The following KIRREL3 variants were observed in gnomAD, a reference collection of about 807,000 sequenced individuals.
KIRREL3 encodes the protein kin of IRRE-like protein 3.
In KIRREL3, 36 loss-of-function variants were observed where a neutral mutation model predicts 89.7. The ratio of observed to expected loss-of-function variants is 0.40; its 90% confidence interval spans 0.31 to 0.53. The LOEUF is 0.53. Among genes scored for constraint, KIRREL3 ranks in the 20% least tolerant of loss-of-function variants. The probability of loss-of-function intolerance (pLI) is 0.49; values close to 1 mark genes in which losing one functional copy is unlikely to be tolerated. For synonymous variants in KIRREL3, 445 were observed against 441.4 expected, an observed-to-expected ratio of 1.01 and a Z score of -0.10; for missense variants, 864 against 1,056.6, an observed-to-expected ratio of 0.82 and a Z score of 2.53.
At chr11:126,850,838 A>C (rs1380403209) in intron 1 of KIRREL3, among the ~76,000 whole-genome samples, 1 of 152,204 alleles carries the variant, frequency 6.6e-6, no homozygotes, top group Admixed American at 6.5e-5. Flanking sequence ...TGCCTGGGAG[A>C]AACCTTCAAC....
rs1165505714 is a variant in KIRREL3, at chr11:126,446,869, T to C, written c.1015A>G (p.Thr339Ala). 5.0e-6 allele frequency: 8 copies of C among 1,605,004 alleles called. No homozygotes were observed. Among genetic ancestry groups the C allele is most frequent in the Non-Finnish European group, 6.8e-6 (8 of 1,175,930 alleles). ...TCCACGAGCAAGGATTGGGGTTCTG[T>C]GGTCATCCGGGGCCCAACTGCGATG... is the stretch of plus-strand genomic sequence containing the variant. Reference protein sequence around the residue: ...VDVYFGPRMTTEPQSLLVDLG... With the variant: ...VDVYFGPRMTAEPQSLLVDLG... The change falls in exon 9 of 17, where the codon ACA becomes GCA. Residue 339 changes from threonine (T) to alanine (A), a missense_variant. Thr to Ala is a moderately conservative substitution (Grantham distance 58). Transcript: ENST00000525144.
rs1945580574 is a variant in KIRREL3 at position 126,664,806 on chromosome 11, C to T, written c.56-101894G>A. 2.0e-5 allele frequency among the ~76,000 whole-genome samples: 3 copies of T among 152,184 alleles called. No individual in the cohort carries two copies. The highest frequency in any genetic ancestry group is 2.0e-4 in the Admixed American group (3 of 15,274). ...TAACCCTGGCTGCAGCCTCATGGCA[C>T]TACTTCCTCATCTATGAACCTCTTG... On this transcript the variant is annotated intron_variant, in intron 1 of 16. Coordinates refer to ENST00000525144, the MANE Select transcript of KIRREL3 (RefSeq NM_032531.4). This position sits in a 1 kb window ranked among gnomAD's most constrained non-coding sequence, Gnocchi z 5.4.
chr11:126,924,292 A>G lies in KIRREL3; in HGVS notation c.55+76163T>C, dbSNP rs1947601542. 6.6e-6 allele frequency among the ~76,000 whole-genome samples: 1 copy of G among 152,146 alleles called. No homozygotes were observed. Among genetic ancestry groups the G allele is most frequent in the African/African-American group, 2.4e-5 (1 of 41,428 alleles). ...CTAGCTCGCTCACTCTCCACACCAC[A>G]GAGAGTAATCTTTCAAAGCACAAAT... is the stretch of plus-strand genomic sequence containing the variant. On this transcript the variant is annotated intron_variant, in intron 1 of 16. Coordinates refer to ENST00000525144, the MANE Select transcript of KIRREL3 (RefSeq NM_032531.4). This position sits in a 1 kb window ranked among gnomAD's most constrained non-coding sequence, Gnocchi z 4.7.
intron 1 of KIRREL3, among the ~76,000 whole-genome samples, chr11:126,701,674 G>A (rs1307759009): frequency 6.6e-6 from 1 of 152,114 alleles, no homozygotes; most frequent in African/African-American, 2.4e-5. Context: ...GGAGCGAGGA[G>A]GTCAGAGGGT....
At chr11:126,831,435 T>C (rs11501226) in intron 1 of KIRREL3, among the ~76,000 whole-genome samples, 142 of 150,024 alleles carry the variant, frequency 9.5e-4, no homozygotes, top group African/African-American at 2.4e-3. Context: ...CTCTCTCTCT[T>C]TCTCTCTCTC....
Position 126,651,072 on chromosome 11 carries a change from A to G in KIRREL3, c.56-88160T>C, listed in dbSNP as rs964982436. ...TGGGGGAAACCACCCCCATGATTCAAATTATCTCCCACCGGGTCCCTCCCA... is the reference window on the plus strand; with the variant it reads ...TGGGGGAAACCACCCCCATGATTCAGATTATCTCCCACCGGGTCCCTCCCA... On this transcript the variant is annotated intron_variant, in intron 1 of 16. Coordinates refer to ENST00000525144, the MANE Select transcript of KIRREL3 (RefSeq NM_032531.4). The surrounding 1 kb of genome is among the most constrained non-coding windows in gnomAD (Gnocchi z 4.6). Among the ~76,000 whole-genome samples, 3 of 152,206 alleles carry G rather than the reference A, an allele frequency of 2.0e-5. No individual in the cohort carries two copies. Among genetic ancestry groups the G allele is most frequent in the African/African-American group, 7.2e-5 (3 of 41,452 alleles).
intron 1 of KIRREL3, among the ~76,000 whole-genome samples, chr11:126,733,085 C>T (rs114736771): frequency 7.2e-4 from 109 of 152,320 alleles, no homozygotes; most frequent in African/African-American, 2.5e-3. Context: ...AGTAAGAGTG[C>T]AACCCTCCAA....
At chr11:126,452,812 C>T (rs1423079331) in intron 7 of KIRREL3, among the ~76,000 whole-genome samples, 1 of 152,166 alleles carries the variant, frequency 6.6e-6, no homozygotes, top group Non-Finnish European at 1.5e-5. Context: ...GGAGGTGCCT[C>T]AGGACCCGAC....
Position 126,537,563 on chromosome 11 carries a change from C to A in KIRREL3, c.134-10876G>T, listed in dbSNP as rs1937998386. On this transcript the variant is annotated intron_variant, in intron 2 of 16. Coordinates refer to ENST00000525144, the MANE Select transcript of KIRREL3 (RefSeq NM_032531.4). This position sits in a 1 kb window ranked among gnomAD's most constrained non-coding sequence, Gnocchi z 4.3. ...CACCCTCTGTCACCTGCCTGGAGTA[C>A]CTAACCGATGGGTCACCTGTCGGAG... Among the ~76,000 whole-genome samples, 1 of 152,066 alleles carries A rather than the reference C, an allele frequency of 6.6e-6. No homozygotes were observed.
At chr11:126,440,389 G>T in intron 11 of KIRREL3, 60 bp downstream of exon 11, 1 of 1,480,022 alleles carries the variant, frequency 6.8e-7, no homozygotes, top group South Asian at 1.2e-5. Flanking sequence ...CCCAGGTATT[G>T]GCAAAAGTGA....
rs187239335 is a variant in KIRREL3, at chr11:126,812,533, C to T, written c.55+187922G>A. Among the ~76,000 whole-genome samples the T allele has an allele frequency of 5.3e-5, 8 of 152,276 alleles. No individual in the cohort carries two copies. The highest frequency in any genetic ancestry group is 3.9e-4 in the East Asian group (2 of 5,186). The stretch of plus-strand genomic sequence containing the variant: ...AGTCAGTTCTGCCACTCCAGTACTC[C>T]GCACGGTGTCTGGCACACAGTAGGC... On this transcript the variant is annotated intron_variant, in intron 1 of 16. Coordinates refer to ENST00000525144, the MANE Select transcript of KIRREL3 (RefSeq NM_032531.4). The surrounding 1 kb of genome is among the most constrained non-coding windows in gnomAD (Gnocchi z 5.2).
chr11:126,451,497 C>T (rs1319111337), intron 7 of KIRREL3, among the ~76,000 whole-genome samples: 1 of 142,488 alleles, frequency 7.0e-6, no homozygotes, highest in Non-Finnish European at 1.5e-5. Flanking sequence ...CATGTGTGTG[C>T]ATGTGTGAGT....
At chr11:126,784,753 A>C (rs1950432539) in intron 1 of KIRREL3, among the ~76,000 whole-genome samples, 1 of 152,126 alleles carries the variant, frequency 6.6e-6, no homozygotes, top group African/African-American at 2.4e-5. Context: ...CAACCTGTAC[A>C]ACCTTGGTAG....
At chr11:126,731,303 T>C (rs1485985122) in intron 1 of KIRREL3, among the ~76,000 whole-genome samples, 1 of 152,196 alleles carries the variant, frequency 6.6e-6, no homozygotes, top group Non-Finnish European at 1.5e-5. Flanking sequence ...TGTTCTTCCA[T>C]ACCTCTGGGC....
At position 126,943,445 on chromosome 11, in the gene KIRREL3, T is replaced by C. The variant is rs1165627277; in HGVS notation, c.55+57010A>G. Among the ~76,000 whole-genome samples, 1 of 152,232 alleles carries C rather than the reference T, an allele frequency of 6.6e-6. No homozygotes were observed. The highest frequency in any genetic ancestry group is 1.9e-4 in the East Asian group (1 of 5,196). ...GAAGTTCCCTTTATAGATTGCATTG[T>C]ACAAATAGAATTGCCTAGATGTGAT... On this transcript the variant is annotated intron_variant, in intron 1 of 16. Transcript: ENST00000525144. The surrounding 1 kb of genome is among the most constrained non-coding windows in gnomAD (Gnocchi z 4.2).
chr11:126,510,426 TTCC>T (rs1958180545), intron 4 of KIRREL3, among the ~76,000 whole-genome samples: 1 of 48,750 alleles, frequency 2.1e-5, no homozygotes, highest in South Asian at 9.5e-4. Context: ...CGTTGTTTCC[TTCC>T]TTCCTTCCTT....
At chr11:126,691,158 G>C (rs140630020) in intron 1 of KIRREL3, among the ~76,000 whole-genome samples, 266 of 152,284 alleles carry the variant, frequency 1.7e-3, no homozygotes, top group African/African-American at 5.8e-3. Context: ...GTGTTGGAGG[G>C]AGTGTGGATC....
chr11:126,514,820 A>G (rs1213647701), intron 4 of KIRREL3, among the ~76,000 whole-genome samples: 1 of 133,216 alleles, frequency 7.5e-6, no homozygotes, highest in Non-Finnish European at 1.6e-5. Context: ...TCTCCAACAC[A>G]ACACAACACA....
At position 126,993,582 on chromosome 11, in the gene KIRREL3, G is replaced by A. The variant is rs1162384897; in HGVS notation, c.55+6873C>T. 3.9e-5 allele frequency among the ~76,000 whole-genome samples: 6 copies of A among 152,172 alleles called. No homozygotes were observed. The highest frequency in any genetic ancestry group is 1.9e-4 in the East Asian group (1 of 5,196). On this transcript the variant is annotated intron_variant, in intron 1 of 16. Coordinates refer to ENST00000525144, the MANE Select transcript of KIRREL3 (RefSeq NM_032531.4). This position sits in a 1 kb window ranked among gnomAD's most constrained non-coding sequence, Gnocchi z 6.1. ...ATCATATTGTAACCTTAATCGAAGT[G>A]TCTGCTCCCCAACCAGACTAAGAGC...
Sources: allele counts gnomAD v4.1 joint callset (sites outside exome capture counted in the v4.1 genomes callset), GRCh38; gene constraint gnomAD v4.1.1; non-coding constraint Gnocchi (gnomAD v3.1); transcripts MANE v1.5; gene names NCBI Gene and HGNC (gene_info 2026-07-23, HGNC 2026-07-21).